GPR107: variants seen among roughly 807,000 people sequenced by gnomAD.
GPR107 encodes the protein protein GPR107.
A neutral mutation model predicts 75.5 loss-of-function variants in GPR107; 31 were observed. The ratio of observed to expected loss-of-function variants is 0.41; its 90% confidence interval spans 0.31 to 0.55. The LOEUF (loss-of-function observed/expected upper bound fraction) is 0.55. Ranked by LOEUF, GPR107 falls within the 20% of genes least tolerant of loss-of-function variation. The pLI is 0.26. For synonymous variants in GPR107, 267 were observed against 251.3 expected (o/e 1.06, Z -0.59); for missense variants, 572 against 665.7 (o/e 0.86, Z 1.55).
intron 14 of GPR107, among the ~76,000 whole-genome samples, chr9:130,109,562 T>C (rs1260591016): frequency 1.0e-5 from 1 of 95,386 alleles, no homozygotes; most frequent in Non-Finnish European, 2.3e-5. Flanking sequence ...ACAGGTAGTC[T>C]TTTTCTTTCT....
chr9:130,080,585 G>A (rs1335035768), intron 5 of GPR107, among the ~76,000 whole-genome samples: 2 of 151,722 alleles, frequency 1.3e-5, no homozygotes, highest in Admixed American at 6.6e-5. Context: ...TCCGCCTCCC[G>A]GGTTCACGCC....
intron 12 of GPR107, among the ~76,000 whole-genome samples, chr9:130,101,986 G>A (rs779802993): frequency 5.3e-5 from 8 of 152,148 alleles, no homozygotes; most frequent in Non-Finnish European, 7.3e-5. Flanking sequence ...AGCTCCTCTC[G>A]GAGTTCTAAC....
intron 14 of GPR107, among the ~76,000 whole-genome samples, chr9:130,123,349 G>A (rs764456318): frequency 1.3e-4 from 19 of 151,920 alleles, no homozygotes; most frequent in Non-Finnish European, 2.4e-4. Flanking sequence ...GATTACAGGC[G>A]CCCACCACCA....
intron 8 of GPR107, among the ~76,000 whole-genome samples, chr9:130,091,945 C>T (rs541618359): frequency 1.4e-4 from 21 of 152,160 alleles, no homozygotes; most frequent in Non-Finnish European, 2.5e-4. Context: ...CCACCTACCT[C>T]GGCCTCCCAA....
chr9:130,064,057 G>A (rs767851788), intron 1 of GPR107, among the ~76,000 whole-genome samples: 16 of 151,550 alleles, frequency 1.1e-4, no homozygotes, highest in Non-Finnish European at 2.1e-4. Flanking sequence ...GAGGGTTTGG[G>A]AGGCCTTGGC....
intron 17 of GPR107, among the ~76,000 whole-genome samples, chr9:130,130,715 C>G (rs1831805342): frequency 6.6e-6 from 1 of 151,918 alleles, no homozygotes; most frequent in Non-Finnish European, 1.5e-5. Context: ...ACTAAAAATA[C>G]AAAAATTAGC....
intron 8 of GPR107, among the ~76,000 whole-genome samples, chr9:130,091,187 G>A (rs959878405): frequency 6.6e-6 from 1 of 152,140 alleles, no homozygotes; most frequent in Non-Finnish European, 1.5e-5. Flanking sequence ...TAACCTGTGC[G>A]TTAAGAATGT....
intron 8 of GPR107, among the ~76,000 whole-genome samples, 162 bp from the exon 9 acceptor site, chr9:130,092,086 C>T (rs538549648): frequency 9.5e-4 from 144 of 152,022 alleles, no homozygotes; most frequent in African/African-American, 3.3e-3. Context: ...GTGATCCACC[C>T]GCCTCAGCCT....
At chr9:130,067,497 A>G (rs1830096893) in intron 1 of GPR107, among the ~76,000 whole-genome samples, 1 of 152,144 alleles carries the variant, frequency 6.6e-6, no homozygotes, top group South Asian at 2.1e-4. Context: ...GTAAGCTTCC[A>G]GTGCCTAAAG....
chr9:130,092,619 AT>A (rs10710860), intron 9 of GPR107, among the ~76,000 whole-genome samples: 96,055 of 145,568 alleles, frequency 0.66, 31,418 homozygotes, highest in East Asian at 0.82. Flanking sequence ...AATTATTATA[AT>A]TTTTTTTTTT....
chr9:130,069,913 C>T (rs1183402881), intron 1 of GPR107, among the ~76,000 whole-genome samples: 2 of 149,208 alleles, frequency 1.3e-5, no homozygotes, highest in African/African-American at 2.5e-5. Flanking sequence ...CTCAAACTGA[C>T]CTAAGGGTAT....
rs534399702 is a variant in GPR107 at position 130,065,403 on chromosome 9, C to T, written c.142-10233C>T. ...AGTGAGCCGAGATCGCACCATTGCA[C>T]TCCAGCCTGGACAACAAGAGTGAAA... On this transcript the variant is annotated intron_variant, in intron 1 of 17. Coordinates refer to ENST00000347136, the MANE Select transcript of GPR107 (RefSeq NM_020960.5). Among the ~76,000 whole-genome samples the T allele has an allele frequency of 5.9e-5, 9 of 151,636 alleles. No homozygotes were observed. In the South Asian group the frequency reaches 6.3e-4, roughly 11 times the overall value.
At chr9:130,107,900 T>C (rs904753766) in intron 14 of GPR107, among the ~76,000 whole-genome samples, 2 of 152,238 alleles carry the variant, frequency 1.3e-5, no homozygotes, top group Non-Finnish European at 2.9e-5. Context: ...GGATTGGAGA[T>C]GGCTATGTGT....
intron 12 of GPR107, among the ~76,000 whole-genome samples, chr9:130,102,335 C>T (rs1312609751): frequency 6.6e-6 from 1 of 152,184 alleles, no homozygotes; most frequent in Non-Finnish European, 1.5e-5. Context: ...ACTGGGTTGT[C>T]ACCCGGCTGC....
At chr9:130,090,721 C>G (rs2132589738) in intron 7 of GPR107, among the ~76,000 whole-genome samples, 155 bp from the exon 8 acceptor site, 1 of 152,146 alleles carries the variant, frequency 6.6e-6, no homozygotes, top group African/African-American at 2.4e-5. Flanking sequence ...TTCCTTCAAT[C>G]CATTAATATT....
At chr9:130,059,413 AGGAG>A (rs2132531478) in intron 1 of GPR107, among the ~76,000 whole-genome samples, 2 of 152,288 alleles carry the variant, frequency 1.3e-5, no homozygotes, top group South Asian at 4.1e-4. Flanking sequence ...ACTGTAACGC[AGGAG>A]GTGGAGGTTG....
rs1266510743 is a variant in GPR107, at chr9:130,077,037, G to A, written c.307-262G>A. On this transcript the variant is annotated intron_variant, in intron 3 of 17. Coordinates refer to ENST00000347136, the MANE Select transcript of GPR107 (RefSeq NM_020960.5). ...TGAGTAGCTGGGACTGCAGGTGCCCGCCACCACACCTGGCTAATTTTTGTA... is the reference window on the plus strand; with the variant it reads ...TGAGTAGCTGGGACTGCAGGTGCCCACCACCACACCTGGCTAATTTTTGTA... Among the ~76,000 whole-genome samples the A allele has an allele frequency of 3.9e-5, 6 of 151,988 alleles. No individual in the cohort carries two copies. In the East Asian group the frequency reaches 5.8e-4, roughly 15 times the overall value.
chr9:130,087,155 A>G (rs1169992349), intron 7 of GPR107, among the ~76,000 whole-genome samples: 1 of 152,028 alleles, frequency 6.6e-6, no homozygotes, highest in Non-Finnish European at 1.5e-5. Flanking sequence ...CTCCTGCCTC[A>G]GCCTCCCAAG....
At position 130,117,602 on chromosome 9, in the gene GPR107, G is replaced by A. The variant is rs80201021; in HGVS notation, c.1307-7313G>A. On this transcript the variant is annotated intron_variant, in intron 14 of 17. Transcript: ENST00000347136. ...CCATGCTGAGTGAGCTGGAGCCCAGGACTTAAGCAGATTGTGGAAATGCCG... is the reference window on the plus strand; with the variant it reads ...CCATGCTGAGTGAGCTGGAGCCCAGAACTTAAGCAGATTGTGGAAATGCCG... Among the ~76,000 whole-genome samples the A allele has an allele frequency of 8.3e-3, 1,263 of 152,268 alleles. 14 individuals carry two copies. The highest frequency in any genetic ancestry group is 0.027 in the Middle Eastern group (8 of 294).
Sources: gnomAD v4.1 joint callset for allele counts (sites outside exome capture counted in the v4.1 genomes callset) on GRCh38, gnomAD v4.1.1 for gene constraint, MANE v1.5 for transcripts, NCBI Gene and HGNC (gene_info 2026-07-23, HGNC 2026-07-21) for gene names.